ETS1: variants seen among roughly 807,000 people sequenced by gnomAD.
ETS1 encodes the protein protein C-ets-1.
Under a neutral mutation model 58.6 loss-of-function variants are expected in ETS1, and 15 were observed. The observed-to-expected ratio is 0.26, with a 90% CI of 0.17 to 0.39. The LOEUF is 0.39. Among genes scored for constraint, ETS1 ranks in the 10% least tolerant of loss-of-function variants. The pLI, the probability that ETS1 is intolerant of heterozygous loss-of-function variation, is 1.00. For synonymous variants in ETS1, 214 were observed against 218.2 expected, an observed-to-expected ratio of 0.98 and a Z score of 0.17; for missense variants, 417 against 610.5, an observed-to-expected ratio of 0.68 and a Z score of 3.34.
At chr11:128,467,369 C>T (rs1862067384) in intron 8 of ETS1, among the ~76,000 whole-genome samples, 1 of 152,168 alleles carries the variant, frequency 6.6e-6, no homozygotes, top group African/African-American at 2.4e-5. Context: ...AGTTCTCACA[C>T]CCAAGATTGG....
intron 8 of ETS1, among the ~76,000 whole-genome samples, chr11:128,475,203 G>A (rs567757791): frequency 2.0e-5 from 3 of 152,240 alleles, no homozygotes; most frequent in Non-Finnish European, 4.4e-5. Context: ...TTCCTCAGTT[G>A]TTGTTTGTAC....
intron 3 of ETS1, among the ~76,000 whole-genome samples, chr11:128,555,878 G>A (rs1025678975): frequency 6.6e-6 from 1 of 152,226 alleles, no homozygotes; most frequent in Non-Finnish European, 1.5e-5. Context: ...GGCATGGACA[G>A]AGAGGCCAGG....
chr11:128,500,583 G>T (rs982139429), intron 3 of ETS1, among the ~76,000 whole-genome samples: 9 of 152,106 alleles, frequency 5.9e-5, no homozygotes, highest in Non-Finnish European at 1.2e-4. Flanking sequence ...TTTTTATGCA[G>T]ATGTGTTTTT....
intron 2 of ETS1, among the ~76,000 whole-genome samples, chr11:128,566,681 G>A (rs1263331201): frequency 6.6e-6 from 1 of 152,006 alleles, no homozygotes. Context: ...TACTCAGGAG[G>A]CTGAGGCAGG....
At chr11:128,548,127 A>AAAGGG (rs1555086204) in intron 3 of ETS1, among the ~76,000 whole-genome samples, 3 of 70,802 alleles carry the variant, frequency 4.2e-5, no homozygotes, top group African/African-American at 2.4e-4. Flanking sequence ...AAAGGAAAGG[A>AAAGGG]AAGGAAAGGG....
chr11:128,522,439 G>GGGGCGGGGCGTCGGGGCA (rs1428471711), intron 3 of ETS1: 1 of 770,966 alleles, frequency 1.3e-6, no homozygotes. Flanking sequence ...GGGGGAGCGA[G>GGGGCGGGGCGTCGGGGCA]GGGCGGGGCG....
intron 1 of ETS1, among the ~76,000 whole-genome samples, chr11:128,580,223 C>T (rs1864838845): frequency 6.9e-6 from 1 of 144,698 alleles, no homozygotes; most frequent in Non-Finnish European, 1.5e-5. Context: ...GAAGTGTGTC[C>T]TTGTGTGACC....
chr11:128,494,957 G>T (rs1264781647), intron 3 of ETS1, among the ~76,000 whole-genome samples: 1 of 152,126 alleles, frequency 6.6e-6, no homozygotes, highest in Admixed American at 6.5e-5. Context: ...ATGTGTGTTG[G>T]GTATGGTCAC....
At chr11:128,514,139 T>C (rs1364530394) in intron 3 of ETS1, among the ~76,000 whole-genome samples, 1 of 152,190 alleles carries the variant, frequency 6.6e-6, no homozygotes, top group Admixed American at 6.5e-5. Context: ...ATTTGTACCT[T>C]GAAAATATGT....
chr11:128,561,584 G>A (rs1032266739), intron 2 of ETS1, among the ~76,000 whole-genome samples: 1 of 152,164 alleles, frequency 6.6e-6, no homozygotes, highest in African/African-American at 2.4e-5. Context: ...CATGGGTGTC[G>A]AGGGGAAGAG....
chr11:128,556,856 T>A (rs1864321080), intron 2 of ETS1, among the ~76,000 whole-genome samples: 1 of 152,086 alleles, frequency 6.6e-6, no homozygotes, highest in Non-Finnish European at 1.5e-5. Flanking sequence ...AAATGATACA[T>A]GCCAAAGGAA....
At chr11:128,525,808 A>T (rs1863790366) in intron 3 of ETS1, among the ~76,000 whole-genome samples, 1 of 152,214 alleles carries the variant, frequency 6.6e-6, no homozygotes, top group Non-Finnish European at 1.5e-5. Flanking sequence ...CTAGGGAAGA[A>T]AAATGCCTGG....
chr11:128,581,707 T>C (rs1180403994), intron 1 of ETS1, among the ~76,000 whole-genome samples: 1 of 152,156 alleles, frequency 6.6e-6, no homozygotes, highest in Admixed American at 6.6e-5. Context: ...TCTAATCCAA[T>C]GAATGCTGCC....
chr11:128,566,584 C>G (rs960538012), intron 2 of ETS1, among the ~76,000 whole-genome samples: 1 of 152,158 alleles, frequency 6.6e-6, no homozygotes, highest in South Asian at 2.1e-4. Flanking sequence ...GAGATCGAGA[C>G]CATCCTGGCT....
chr11:128,471,380 T>A (rs1266037705), intron 8 of ETS1, among the ~76,000 whole-genome samples: 2 of 152,256 alleles, frequency 1.3e-5, no homozygotes, highest in Admixed American at 1.3e-4. Flanking sequence ...TTGCTCTGGC[T>A]CTGCACACCT....
chr11:128,519,484 G>T (rs546092221), intron 3 of ETS1, among the ~76,000 whole-genome samples: 2 of 152,172 alleles, frequency 1.3e-5, no homozygotes, highest in Non-Finnish European at 2.9e-5. Context: ...CACAGCTGTG[G>T]ATAAAAAGCT....
intron 2 of ETS1, among the ~76,000 whole-genome samples, chr11:128,563,618 A>G (rs906641948): frequency 6.6e-6 from 1 of 152,192 alleles, no homozygotes; most frequent in Admixed American, 6.5e-5. Context: ...CCTTCATTGG[A>G]TAAACAGCCA....
intron 3 of ETS1, among the ~76,000 whole-genome samples, chr11:128,510,304 T>C (rs1242401061): frequency 6.6e-6 from 1 of 152,200 alleles, no homozygotes; most frequent in Non-Finnish European, 1.5e-5. Context: ...GGCAGCTCAC[T>C]CACTAGGAGC....
intron 3 of ETS1, 119 bp from the exon 4 acceptor site, chr11:128,490,695 C>G: frequency 1.5e-6 from 1 of 664,570 alleles, no homozygotes. Flanking sequence ...GCATCCTCAC[C>G]AGAGCACCAG....
Sources: allele counts gnomAD v4.1 joint callset (sites outside exome capture counted in the v4.1 genomes callset), GRCh38; gene constraint gnomAD v4.1.1; transcripts MANE v1.5; gene names NCBI Gene and HGNC (gene_info 2026-07-23, HGNC 2026-07-21).